PIK3AP1: variants seen among roughly 807,000 people sequenced by gnomAD.
PIK3AP1 encodes phosphoinositide-3-kinase adaptor protein 1.
Under a neutral mutation model 88.1 loss-of-function variants are expected in PIK3AP1, and 21 were observed. The ratio of observed to expected loss-of-function variants is 0.24; its 90% confidence interval spans 0.17 to 0.34. PIK3AP1 has a LOEUF of 0.34. Ranked by LOEUF, PIK3AP1 falls within the 10% of genes least tolerant of loss-of-function variation. The probability of loss-of-function intolerance (pLI) is 1.00; values close to 1 mark genes in which losing one functional copy is unlikely to be tolerated. For synonymous variants in PIK3AP1, 398 were observed against 400.0 expected, an observed-to-expected ratio of 1.00 and a Z score of 0.06; for missense variants, 828 against 1,035.7, an observed-to-expected ratio of 0.80 and a Z score of 2.75.
intron 12 of PIK3AP1, chr10:96,618,520 T>C (rs778285199): frequency 6.6e-6 from 1 of 152,316 alleles, no homozygotes; most frequent in Non-Finnish European, 1.5e-5. Context: ...CTTATACCTA[T>C]TTATATTTGT....
intron 2 of PIK3AP1, among the ~76,000 whole-genome samples, chr10:96,689,153 G>T (rs1844116879): frequency 6.6e-6 from 1 of 152,040 alleles, no homozygotes; most frequent in South Asian, 2.1e-4. Context: ...CCAGACTCAG[G>T]CCACTTCTCA....
chr10:96,710,075 G>A, intron 1 of PIK3AP1, 92 bp from the exon 2 acceptor site: 1 of 1,283,038 alleles, frequency 7.8e-7, no homozygotes, highest in Non-Finnish European at 1.1e-6. Context: ...CCAGACACTG[G>A]GTCTGGCACC....
rs114123644 is a variant in PIK3AP1, at chr10:96,685,489, G to A, written c.430+24078C>T. Among the ~76,000 whole-genome samples, 1,231 of 152,302 alleles carry A rather than the reference G, an allele frequency of 8.1e-3. 22 individuals are homozygous for A. The highest frequency in any genetic ancestry group is 0.028 in the African/African-American group (1,163 of 41,532). ...GCTGATGAAATAGCAGACACAAGCC[G>A]TGGGTGAGGAAGGTGGTGGCAAGGA... is the stretch of plus-strand genomic sequence containing the variant. On this transcript the variant is annotated intron_variant, in intron 2 of 16. Transcript: ENST00000339364.
intron 1 of PIK3AP1, among the ~76,000 whole-genome samples, chr10:96,710,410 T>C (rs1844424057): frequency 6.6e-6 from 1 of 152,042 alleles, no homozygotes; most frequent in South Asian, 2.1e-4. Flanking sequence ...TTAGTAGAGA[T>C]GGGGTTTCAC....
intron 1 of PIK3AP1, among the ~76,000 whole-genome samples, chr10:96,713,544 C>G (rs1371611010): frequency 1.4e-5 from 2 of 145,532 alleles, no homozygotes; most frequent in African/African-American, 5.1e-5. Context: ...ATTAGCCAGG[C>G]GTGGTGGTGT....
At chr10:96,665,090 C>A (rs138881977) in intron 2 of PIK3AP1, among the ~76,000 whole-genome samples, 1 of 150,918 alleles carries the variant, frequency 6.6e-6, no homozygotes, top group Non-Finnish European at 1.5e-5. Flanking sequence ...ACTCTGAAAA[C>A]CCCAGGGATC....
chr10:96,628,328 G>C, intron 9 of PIK3AP1, 70 bp downstream of exon 9: 1 of 1,330,656 alleles, frequency 7.5e-7, no homozygotes, highest in East Asian at 2.3e-5. Context: ...CCCTCATAGA[G>C]AACCAGACAA....
chr10:96,660,465 A>T (rs904135721), intron 2 of PIK3AP1, among the ~76,000 whole-genome samples: 1 of 152,204 alleles, frequency 6.6e-6, no homozygotes, highest in Non-Finnish European at 1.5e-5. Flanking sequence ...AAGCGAGAAC[A>T]CTGACAACAC....
At chr10:96,697,899 T>TTTAAAA (rs1322449818) in intron 2 of PIK3AP1, among the ~76,000 whole-genome samples, 2 of 152,230 alleles carry the variant, frequency 1.3e-5, no homozygotes, top group Non-Finnish European at 2.9e-5. Flanking sequence ...ATAAATATAT[T>TTTAAAA]TCTTTTTAAA....
chr10:96,719,867 A>G (rs1216458310), intron 1 of PIK3AP1, among the ~76,000 whole-genome samples: 2 of 152,172 alleles, frequency 1.3e-5, no homozygotes, highest in Non-Finnish European at 2.9e-5. Flanking sequence ...AAAGTTCTAG[A>G]CCCAAAACAC....
chr10:96,646,364 G>C (rs2134229230), intron 7 of PIK3AP1, among the ~76,000 whole-genome samples: 1 of 152,114 alleles, frequency 6.6e-6, no homozygotes, highest in South Asian at 2.1e-4. Flanking sequence ...TACTGCTTGA[G>C]AAAGGTATAA....
At position 96,628,479 on chromosome 10, in the gene PIK3AP1, G is replaced by A; in HGVS notation, c.1390C>T (p.Gln464Ter). The A allele has an allele frequency of 6.2e-7, 1 of 1,612,126 alleles. No homozygotes were observed. The highest frequency in any genetic ancestry group is 8.5e-7 in the Non-Finnish European group (1 of 1,178,242). ...GGGATTGGGTTAGATGTACTGGCCT[G>A]AAGCATTTCAACATCTAGAAGGAAA... ...ATEDLYVEML[Q>*]ASTSNPIPGD... The change falls in exon 9 of 17, where the codon CAG (glutamine) becomes TAG (stop). Residue 464 changes from glutamine to a stop codon, truncating the protein, a stop_gained. Transcript: ENST00000339364. LOFTEE classifies it high-confidence loss of function.
intron 14 of PIK3AP1, among the ~76,000 whole-genome samples, chr10:96,607,144 T>G (rs943163032): frequency 6.6e-6 from 1 of 152,114 alleles, no homozygotes; most frequent in Admixed American, 6.5e-5. Flanking sequence ...TTTTAGGGTG[T>G]GATTCAGGGG....
intron 2 of PIK3AP1, among the ~76,000 whole-genome samples, chr10:96,697,975 C>T (rs1249521506): frequency 2.0e-5 from 3 of 152,140 alleles, no homozygotes; most frequent in Non-Finnish European, 4.4e-5. Flanking sequence ...TTTATAAATC[C>T]TGGCAGACTT....
At position 96,645,533 on chromosome 10, in the gene PIK3AP1, A is replaced by G; in HGVS notation, c.1315T>C (p.Cys439Arg). 6.2e-7 allele frequency: 1 copy of G among 1,614,066 alleles called. No individual in the cohort carries two copies. The highest frequency in any genetic ancestry group is 8.5e-7 in the Non-Finnish European group (1 of 1,179,976). Residue 439 changes from cysteine (C) to arginine (R), a missense_variant, in exon 8 of 17, where the codon TGT (cysteine) becomes CGT (arginine). Around this residue, in one of 3 missense-constraint regions of PIK3AP1, gnomAD observed 610 missense variants for 760.1 expected, o/e 0.80. Coordinates refer to ENST00000339364, the MANE Select transcript of PIK3AP1 (RefSeq NM_152309.3). The stretch of plus-strand genomic sequence containing the variant: ...ATGGACTCATAGAGATCCTCGTCAC[A>G]GCCGGGGTTGAGCGAGCATTTCATA... ...LLMKCSLNPG[C>R]DEDLYESMAA...
At chr10:96,671,523 GAT>G (rs10606722) in intron 2 of PIK3AP1, among the ~76,000 whole-genome samples, 6,950 of 152,172 alleles carry the variant, frequency 0.046, 172 homozygotes, top group Middle Eastern at 0.085. Context: ...TCATCATACT[GAT>G]GGTAAGAGGG....
At chr10:96,690,120 A>G (rs934493284) in intron 2 of PIK3AP1, among the ~76,000 whole-genome samples, 2 of 152,190 alleles carry the variant, frequency 1.3e-5, no homozygotes, top group Non-Finnish European at 2.9e-5. Flanking sequence ...ATTATCATGT[A>G]TCTCCTTGGT....
At chr10:96,684,529 A>C (rs1844044269) in intron 2 of PIK3AP1, among the ~76,000 whole-genome samples, 1 of 152,222 alleles carries the variant, frequency 6.6e-6, no homozygotes, top group African/African-American at 2.4e-5. Flanking sequence ...CCACTGTCCA[A>C]GGCAGCCTGG....
intron 1 of PIK3AP1, among the ~76,000 whole-genome samples, chr10:96,719,902 G>C (rs1844548987): frequency 6.6e-6 from 1 of 152,234 alleles, no homozygotes; most frequent in South Asian, 2.1e-4. Context: ...GTGGAGGAAC[G>C]GGGCTTGGGG....
Sources: allele counts gnomAD v4.1 joint callset (sites outside exome capture counted in the v4.1 genomes callset), GRCh38; gene constraint gnomAD v4.1.1; regional missense constraint gnomAD v4.1.1; transcripts MANE v1.5; gene names NCBI Gene and HGNC (gene_info 2026-07-23, HGNC 2026-07-21).